Variants in CCDC3 observed in about 807,000 individuals in gnomAD.
CCDC3 encodes coiled-coil domain-containing protein 3.
CCDC3 carries 24 observed loss-of-function variants against 21.4 expected under a neutral mutation model. The observed-to-expected ratio is 1.12, with a 90% CI of 0.81 to 1.58. The LOEUF is 1.58. Among genes scored for constraint, CCDC3 ranks in the 40% most tolerant of loss-of-function variants. The pLI, the probability that CCDC3 is intolerant of heterozygous loss-of-function variation, is 0.00. For missense variants in CCDC3, 425 were observed against 360.9 expected, an observed-to-expected ratio of 1.18 and a Z score of -1.44; for synonymous variants, 186 against 166.0, an observed-to-expected ratio of 1.12 and a Z score of -0.93.
chr10:12,919,415 C>T (rs530819675), intron 2 of CCDC3, among the ~76,000 whole-genome samples: 7 of 152,102 alleles, frequency 4.6e-5, no homozygotes, highest in African/African-American at 1.7e-4. Context: ...CATGGTGAAA[C>T]CCTGTCTTTA....
intron 2 of CCDC3, among the ~76,000 whole-genome samples, chr10:12,993,089 T>C (rs1181320472): frequency 6.6e-6 from 1 of 152,226 alleles, no homozygotes; most frequent in South Asian, 2.1e-4. Flanking sequence ...CACTACTCCA[T>C]GGGATGTTTC....
At chr10:12,971,811 C>T (rs1835347680) in intron 2 of CCDC3, among the ~76,000 whole-genome samples, 1 of 152,128 alleles carries the variant, frequency 6.6e-6, no homozygotes, top group African/African-American at 2.4e-5. Flanking sequence ...CTCAGCCTCC[C>T]AAGTCGCTGG....
chr10:13,058,463 T>TC, intron 4 of CCDC3: 1 of 756,746 alleles, frequency 1.3e-6, no homozygotes, highest in Non-Finnish European at 2.4e-6. Context: ...GACTATCATA[T>TC]CCCCCTCAAT....
intron 2 of CCDC3, among the ~76,000 whole-genome samples, chr10:12,965,384 C>T (rs1329798923): frequency 6.6e-6 from 1 of 152,152 alleles, no homozygotes; most frequent in East Asian, 1.9e-4. Flanking sequence ...CTCCCTCCTC[C>T]CTCCCAAAGG....
At chr10:12,933,650 G>A (rs1834688291) in intron 2 of CCDC3, among the ~76,000 whole-genome samples, 1 of 151,922 alleles carries the variant, frequency 6.6e-6, no homozygotes, top group African/African-American at 2.4e-5. Flanking sequence ...TAGAGATGGG[G>A]TTTCATCATG....
chr10:12,914,850 C>G (rs190066400), intron 2 of CCDC3, among the ~76,000 whole-genome samples: 99 of 152,078 alleles, frequency 6.5e-4, no homozygotes, highest in African/African-American at 2.1e-3. Context: ...TTTTTCTACT[C>G]TCTCATTTAT....
chr10:12,962,400 C>G (rs1835192955), intron 2 of CCDC3, among the ~76,000 whole-genome samples: 1 of 152,164 alleles, frequency 6.6e-6, no homozygotes, highest in Admixed American at 6.5e-5. Context: ...GTCAAGAGAT[C>G]AAGACCATCC....
At chr10:12,927,381 A>AAAAAGAAATCTGTGAGG (rs1834559754) in intron 2 of CCDC3, among the ~76,000 whole-genome samples, 1 of 152,204 alleles carries the variant, frequency 6.6e-6, no homozygotes, top group Non-Finnish European at 1.5e-5. Context: ...CTTAAAATTA[A>AAAAAGAAATCTGTGAGG]CAATTGCTCA....
At chr10:12,980,332 T>A (rs1048519156) in intron 2 of CCDC3, among the ~76,000 whole-genome samples, 1 of 152,098 alleles carries the variant, frequency 6.6e-6, no homozygotes, top group African/African-American at 2.4e-5. Flanking sequence ...GTCTGTCCAG[T>A]GAGAGCCAAA....
intron 5 of CCDC3, among the ~76,000 whole-genome samples, chr10:13,030,520 T>TTAAA (rs1281787435): frequency 7.4e-4 from 113 of 152,288 alleles, no homozygotes; most frequent in African/African-American, 2.6e-3. Context: ...ATAGGCTAAA[T>TTAAA]GCTCCAATTA....
intron 3 of CCDC3, among the ~76,000 whole-genome samples, chr10:13,083,695 C>T (rs1252118021): frequency 1.3e-5 from 2 of 152,252 alleles, no homozygotes; most frequent in Non-Finnish European, 2.9e-5. Context: ...TAAGCAACTT[C>T]CTCTTTTCCT....
At chr10:13,023,690 G>A (rs667978) in intron 5 of CCDC3, among the ~76,000 whole-genome samples, 119,290 of 151,978 alleles carry the variant, frequency 0.78, 48,182 homozygotes, top group Non-Finnish European at 0.87. Context: ...TCTCTAATGG[G>A]CCATGTCCTT....
intron 4 of CCDC3, among the ~76,000 whole-genome samples, chr10:13,071,887 A>G (rs889643908): frequency 7.9e-5 from 12 of 151,798 alleles, no homozygotes; most frequent in Non-Finnish European, 1.6e-4. Flanking sequence ...CTCTTCAGTG[A>G]TATATAATGG....
intron 5 of CCDC3, among the ~76,000 whole-genome samples, chr10:13,039,643 C>T (rs182151533): frequency 3.5e-4 from 54 of 152,190 alleles, no homozygotes; most frequent in African/African-American, 1.1e-3. Context: ...TGGATAGTAT[C>T]GGGACAGAGA....
At chr10:12,958,682 C>T (rs1835131076) in intron 2 of CCDC3, among the ~76,000 whole-genome samples, 1 of 152,170 alleles carries the variant, frequency 6.6e-6, no homozygotes, top group African/African-American at 2.4e-5. Flanking sequence ...ATTCCAGATT[C>T]TGCCAGAGCT....
Position 13,001,320 on chromosome 10 carries a change from T to C in CCDC3, c.251A>G (p.Asp84Gly). Residue 84 changes from aspartate to glycine, a missense_variant, in exon 1 of 3, where the codon GAC becomes GGC. Coordinates refer to ENST00000378825, the MANE Select transcript of CCDC3 (RefSeq NM_031455.4). The stretch of plus-strand genomic sequence containing the variant: ...CTCCAGCATGCTGCCCCACGCCTGG[T>C]CGCACAGCATCTCGACCTCGGCCGA... ...FYSAEVEMLC[D>G]QAWGSMLEVP... is the part of the protein sequence containing the mutation. 6.2e-7 allele frequency: 1 copy of C among 1,606,102 alleles called. No homozygotes were observed. The highest frequency in any genetic ancestry group is 8.5e-7 in the Non-Finnish European group (1 of 1,177,546).
At chr10:13,095,441 G>A (rs942023452) in intron 3 of CCDC3, among the ~76,000 whole-genome samples, 11 of 152,066 alleles carry the variant, frequency 7.2e-5, no homozygotes, top group Admixed American at 5.2e-4. Context: ...GTGGGTGGGG[G>A]GGTGGTTTTG....
intron 2 of CCDC3, among the ~76,000 whole-genome samples, chr10:12,969,300 C>A (rs2131263192): frequency 6.6e-6 from 1 of 152,094 alleles, no homozygotes; most frequent in Admixed American, 6.5e-5. Flanking sequence ...AAAAGACAAG[C>A]AATAAATGAT....
chr10:12,911,576 T>G (rs142938380), intron 2 of CCDC3, among the ~76,000 whole-genome samples: 151 of 152,334 alleles, frequency 9.9e-4, no homozygotes, highest in African/African-American at 3.5e-3. Flanking sequence ...ATTGACAAAA[T>G]TTATATTGAA....
Sources: allele counts gnomAD v4.1 joint callset (sites outside exome capture counted in the v4.1 genomes callset), GRCh38; gene constraint gnomAD v4.1.1; transcripts MANE v1.5; gene names NCBI Gene and HGNC (gene_info 2026-07-23, HGNC 2026-07-21).